Variants in CHEK1 observed in about 807,000 individuals in gnomAD.
CHEK1 encodes the protein serine/threonine-protein kinase Chk1.
CHEK1 carries 32 observed loss-of-function variants against 60.2 expected under a neutral mutation model. The ratio of observed to expected loss-of-function variants is 0.53; its 90% CI spans 0.40 to 0.71. CHEK1 has a LOEUF of 0.71. Ranked by LOEUF, CHEK1 falls within the 30% of genes least tolerant of loss-of-function variation. The probability of loss-of-function intolerance (pLI) is 0.00; values close to 1 mark genes in which losing one functional copy is unlikely to be tolerated. For missense variants in CHEK1, 399 were observed against 564.6 expected (o/e 0.71, Z 2.97); for synonymous variants, 179 against 187.2 (o/e 0.96, Z 0.36).
At chr11:125,679,292 A>C (rs1178400515), downstream of CHEK1, among the ~76,000 whole-genome samples, 2 of 147,958 alleles carry the variant, frequency 1.4e-5, no homozygotes, top group East Asian at 4.0e-4. Flanking sequence ...ATCTTGGCTC[A>C]CTGCAACCTC....
intron 11 of CHEK1, among the ~76,000 whole-genome samples, chr11:125,650,458 G>GTTTTTTTTTT (rs71279471): frequency 1.5e-5 from 2 of 130,746 alleles, no homozygotes; most frequent in African/African-American, 2.9e-5. Flanking sequence ...AGTGGTGTTT[G>GTTTTTTTTTT]TTTTTTTTTT....
intron 11 of CHEK1, among the ~76,000 whole-genome samples, chr11:125,651,246 A>C (rs933349118): frequency 1.3e-5 from 2 of 151,564 alleles, no homozygotes; most frequent in Admixed American, 1.3e-4. Flanking sequence ...CTTTAGCACA[A>C]GGTGAGTTAG....
chr11:125,648,471 A>G (rs180911385), intron 11 of CHEK1, among the ~76,000 whole-genome samples: 1 of 151,870 alleles, frequency 6.6e-6, no homozygotes, highest in African/African-American at 2.4e-5. Flanking sequence ...AATCCCAGCT[A>G]CTCGGGAGGC....
At chr11:125,674,066 G>A (rs113445309) in intron 13 of CHEK1, among the ~76,000 whole-genome samples, 5 of 151,942 alleles carry the variant, frequency 3.3e-5, no homozygotes, top group Non-Finnish European at 5.9e-5. Context: ...CAGGAGAATC[G>A]CTGGGGGGCA....
In CHEK1 at chr11:125,634,086, C is replaced by T. The variant is rs944356522; in HGVS notation, c.613+735C>T. Among the ~76,000 whole-genome samples the T allele has an allele frequency of 1.9e-4, 29 of 149,860 alleles. No individual in the cohort carries two copies. In the East Asian group the frequency reaches 4.4e-3, roughly 23 times the overall value. ...GATCTCAGCTCACTGCAACCTCTGCCTCCCAGGTTCTAGCAATTCTGTCCC... is the reference window on the plus strand; with the variant it reads ...GATCTCAGCTCACTGCAACCTCTGCTTCCCAGGTTCTAGCAATTCTGTCCC... On this transcript the variant is annotated intron_variant, in intron 6 of 12. Transcript: ENST00000438015.
In CHEK1 at chr11:125,626,844, T is replaced by C. The variant is rs897950638; in HGVS notation, c.65+11T>C. On this transcript the variant is annotated intron_variant, in intron 2 of 12. Coordinates refer to ENST00000438015, the MANE Select transcript of CHEK1 (RefSeq NM_001114122.3). ...AGGTGCCTATGGAGAGTGAGTTCTT[T>C]TAAGCTTGCCTTCGTTTTCTGAGTG... is the stretch of plus-strand genomic sequence containing the variant. The C allele has an allele frequency of 1.9e-6, 3 of 1,614,090 alleles. No homozygotes were observed. Among genetic ancestry groups the C allele is most frequent in the Non-Finnish European group, 2.5e-6 (3 of 1,179,948 alleles).
At chr11:125,645,942 T>C (rs1347840638) in intron 11 of CHEK1, among the ~76,000 whole-genome samples, 4 of 152,150 alleles carry the variant, frequency 2.6e-5, no homozygotes, top group Admixed American at 1.3e-4. Flanking sequence ...ACATAGGTGA[T>C]TCACTTTCTT....
intron 13 of CHEK1, chr11:125,672,453 G>A: frequency 1.1e-6 from 1 of 923,926 alleles, no homozygotes; most frequent in Non-Finnish European, 1.6e-6. Flanking sequence ...AGAAAGATAG[G>A]ATGTTTGAGC....
At chr11:125,676,259 C>A (rs1330169295), downstream of CHEK1, 4 of 1,429,544 alleles carry the variant, frequency 2.8e-6, no homozygotes, top group African/African-American at 5.7e-5. Flanking sequence ...TCTTCAAGTT[C>A]CTTGATTCTT....
chr11:125,669,167 G>C (rs1456806676), intron 13 of CHEK1, among the ~76,000 whole-genome samples: 1 of 152,012 alleles, frequency 6.6e-6, no homozygotes, highest in African/African-American at 2.4e-5. Context: ...TGTAGGTCAG[G>C]GTTTCCACGT....
downstream of CHEK1, among the ~76,000 whole-genome samples, chr11:125,678,978 T>TATATATATATATATATATATATATA (rs1555078666): frequency 4.4e-4 from 39 of 88,440 alleles, no homozygotes; most frequent in African/African-American, 1.4e-3. Context: ...TCTAGGCATA[T>TATATATATATATATATATATATATA]TATATATATA....
intron 8 of CHEK1, 122 bp downstream of exon 8, chr11:125,637,666 G>A (rs2136004674): frequency 1.9e-6 from 1 of 523,200 alleles, no homozygotes; most frequent in Non-Finnish European, 3.2e-6. Flanking sequence ...AGATTATAAT[G>A]TCCAGTAGAA....
chr11:125,656,185 A>T lies in CHEK1; in HGVS notation c.*865A>T, dbSNP rs1167841670. 4.8e-6 allele frequency: 1 copy of T among 209,606 alleles called. No individual in the cohort carries two copies. The highest frequency in any genetic ancestry group is 9.7e-6 in the Non-Finnish European group (1 of 103,166). The allele number at this position is 209,606 out of a possible 1,614,324, so 13.0% of individuals were successfully genotyped here. A position where few individuals can be genotyped will look rare whatever the true frequency, so the allele number is the denominator to read the frequency against. On this transcript the variant is annotated 3_prime_UTR_variant, in exon 13 of 13. Transcript: ENST00000438015. Reference sequence around the variant, plus strand: ...AGTTTGTTTTTCTAATAAAATTTGTATCAACTTTGGGGCATATTAGGTTGA... The same window carrying T: ...AGTTTGTTTTTCTAATAAAATTTGTTTCAACTTTGGGGCATATTAGGTTGA...
At chr11:125,673,093 C>T (rs921665385) in intron 13 of CHEK1, among the ~76,000 whole-genome samples, 7 of 151,526 alleles carry the variant, frequency 4.6e-5, no homozygotes, top group African/African-American at 9.7e-5. Context: ...CCTACTATGC[C>T]GAAACCTCTC....
chr11:125,647,356 C>T (rs1941542218), intron 11 of CHEK1, among the ~76,000 whole-genome samples: 1 of 150,654 alleles, frequency 6.6e-6, no homozygotes, highest in Non-Finnish European at 1.5e-5. Context: ...TTTTTTCTTC[C>T]CCTGTGGACT....
intron 6 of CHEK1, among the ~76,000 whole-genome samples, chr11:125,633,640 T>C (rs1940950899): frequency 6.6e-6 from 1 of 152,124 alleles, no homozygotes; most frequent in Non-Finnish European, 1.5e-5. Context: ...ATTGTAGAGA[T>C]GGGATCTTGC....
At chr11:125,627,561 T>C in intron 2 of CHEK1, 46 bp from the exon 3 acceptor site, 1 of 1,491,374 alleles carries the variant, frequency 6.7e-7, no homozygotes, top group Non-Finnish European at 9.1e-7. Context: ...TTGGAAGTTT[T>C]AGAAGAAATG....
At chr11:125,665,026 A>G (rs1407381509) in intron 13 of CHEK1, among the ~76,000 whole-genome samples, 3 of 152,086 alleles carry the variant, frequency 2.0e-5, no homozygotes. Flanking sequence ...AGAATCATTT[A>G]TTGAAGAGAC....
chr11:125,680,977 A>T (rs1942768918), downstream of CHEK1: 3 of 529,392 alleles, frequency 5.7e-6, no homozygotes, highest in Non-Finnish European at 1.0e-5. Flanking sequence ...GTTGGCCCTT[A>T]GCAACCCACT....
Sources: allele counts gnomAD v4.1 joint callset (sites outside exome capture counted in the v4.1 genomes callset), GRCh38; gene constraint gnomAD v4.1.1; transcripts MANE v1.5; gene names NCBI Gene and HGNC (gene_info 2026-07-23, HGNC 2026-07-21).